GNAS: variants seen among roughly 807,000 people sequenced by gnomAD.
The protein encoded by GNAS is GNAS complex locus.
Under a neutral mutation model 54.5 loss-of-function variants are expected in GNAS, and 8 were observed. That is an observed-to-expected ratio of 0.15 (90% CI 0.09 to 0.26). GNAS has a LOEUF of 0.26. Ranked by LOEUF, GNAS falls within the 10% of genes least tolerant of loss-of-function variation. GNAS has a pLI of 1.00. For missense variants in GNAS, 170 were observed against 529.8 expected (o/e 0.32, Z 6.67); for synonymous variants, 204 against 191.4 (o/e 1.07, Z -0.54).
intron 1 of GNAS, among the ~76,000 whole-genome samples, chr20:58,844,820 AC>A (rs1179855884): frequency 6.6e-6 from 1 of 152,026 alleles, no homozygotes; most frequent in Non-Finnish European, 1.5e-5. Context: ...AAACAAAACA[AC>A]AACAACAACA....
intron 1 of GNAS, among the ~76,000 whole-genome samples, chr20:58,860,326 T>A (rs148399852): frequency 1.9e-3 from 286 of 152,152 alleles, no homozygotes; most frequent in African/African-American, 5.5e-3. Flanking sequence ...CAGGTTTTTT[T>A]AAAAGTTTTT....
chr20:58,850,604 C>G, intron 1 of GNAS: 1 of 398,990 alleles, frequency 2.5e-6, no homozygotes, highest in Non-Finnish European at 4.4e-6. Flanking sequence ...CGCAGTAAGC[C>G]CTCTCCTTGG....
chr20:58,862,117 T>G lies in GNAS; in HGVS notation c.43+21231T>G, dbSNP rs73306264. Among the ~76,000 whole-genome samples, 745 of 152,266 alleles carry G rather than the reference T, an allele frequency of 4.9e-3. 7 individuals are homozygous for G. The highest frequency in any genetic ancestry group is 0.017 in the African/African-American group (694 of 41,544). On this transcript the variant is annotated intron_variant, in intron 1 of 12. Coordinates refer to the GNAS transcript ENST00000306090. Reference sequence around the variant, plus strand: ...TGTTCAACCCAGTGCTTGGCACATATAAGTACCCCAAAACATGTTTTGGGT... The same window carrying G: ...TGTTCAACCCAGTGCTTGGCACATAGAAGTACCCCAAAACATGTTTTGGGT...
chr20:58,908,908 T>C, intron 6 of GNAS: 1 of 581,220 alleles, frequency 1.7e-6, no homozygotes. Flanking sequence ...GGCCACAGGC[T>C]AGCTGCTAGA....
chr20:58,905,580 C>A, intron 6 of GNAS, 100 bp downstream of exon 6: 1 of 775,976 alleles, frequency 1.3e-6, no homozygotes, highest in Middle Eastern at 2.2e-4. Context: ...GTTGATGATT[C>A]CTTTCTTAGA....
chr20:58,891,866 G>T lies in GNAS; in HGVS notation c.139+1G>T. 1 of 1,206,040 alleles carries T rather than the reference G, an allele frequency of 8.3e-7. No homozygotes were observed. The highest frequency in any genetic ancestry group is 1.1e-6 in the Non-Finnish European group (1 of 933,974). 74.7% of individuals were successfully genotyped at this position (1,206,040 alleles called of 1,614,324 possible). A position where few individuals can be genotyped will look rare whatever the true frequency, so the allele number is the denominator to read the frequency against. On this transcript the variant is annotated splice_donor_variant, in intron 1 of 12. Coordinates refer to ENST00000371085, the MANE Select transcript of GNAS (RefSeq NM_000516.7). LOFTEE classifies it high-confidence loss of function. ...GCCACGCACCGCCTGCTGCTGCTGG[G>T]TAAGGGCGGGCGGGGGGCGCCGGCC...
rs768525794 is a variant in GNAS at position 58,853,671 on chromosome 20, C to G, written c.43+12785C>G. On this transcript the variant is annotated intron_variant, in intron 1 of 12. Coordinates refer to the GNAS transcript ENST00000306090. The surrounding 1 kb of genome is among the most constrained non-coding windows in gnomAD (Gnocchi z 4.4). The stretch of plus-strand genomic sequence containing the variant: ...CCATGCAGGCCTTGAGGCCTTCGGC[C>G]CAGCACTCATGGAGCCCGGAGCCTT... 1 of 1,613,620 alleles carries G rather than the reference C, an allele frequency of 6.2e-7. No homozygotes were observed. Among genetic ancestry groups the G allele is most frequent in the Non-Finnish European group, 8.5e-7 (1 of 1,179,824 alleles).
intron 6 of GNAS, among the ~76,000 whole-genome samples, chr20:58,907,136 G>A (rs958975732): frequency 2.6e-5 from 4 of 152,164 alleles, no homozygotes; most frequent in African/African-American, 9.7e-5. Flanking sequence ...GGAGGAAGAG[G>A]TAATACTGTT....
At chr20:58,869,943 C>G (rs2087327286) in intron 1 of GNAS, among the ~76,000 whole-genome samples, 1 of 152,154 alleles carries the variant, frequency 6.6e-6, no homozygotes, top group Non-Finnish European at 1.5e-5. Flanking sequence ...TCCTTGGTTC[C>G]AAGAACAGGT....
intron 1 of GNAS, among the ~76,000 whole-genome samples, chr20:58,875,877 A>G (rs2087779056): frequency 6.6e-6 from 1 of 152,244 alleles, no homozygotes; most frequent in East Asian, 1.9e-4. Context: ...TAAAAAAGAA[A>G]TATAATGTGA....
intron 1 of GNAS, among the ~76,000 whole-genome samples, chr20:58,869,790 A>G (rs1231544593): frequency 6.6e-6 from 1 of 152,084 alleles, no homozygotes; most frequent in Non-Finnish European, 1.5e-5. Flanking sequence ...GGGCATTCTC[A>G]CTAGCGAAGG....
chr20:58,896,639 AAG>A (rs761064964), intron 2 of GNAS, among the ~76,000 whole-genome samples: 3 of 151,968 alleles, frequency 2.0e-5, no homozygotes, highest in East Asian at 1.9e-4. Flanking sequence ...AAAAAAGAAA[AAG>A]AAAAAACAAA....
chr20:58,898,633 G>A (rs1198256450), intron 2 of GNAS: 5 of 512,360 alleles, frequency 9.8e-6, no homozygotes, highest in Non-Finnish European at 1.8e-5. Flanking sequence ...TCCCTAATGC[G>A]TGTACGTTTA....
intron 3 of GNAS, chr20:58,900,083 G>T: frequency 1.7e-6 from 1 of 584,254 alleles, no homozygotes; most frequent in Non-Finnish European, 3.1e-6. Context: ...GGGGGAGGGG[G>T]GATGGGGCCC....
Position 58,846,531 on chromosome 20 carries a change from C to T in GNAS, c.43+5645C>T, listed in dbSNP as rs1336130943. On this transcript the variant is annotated intron_variant, in intron 1 of 12. Coordinates refer to the GNAS transcript ENST00000306090. ...TACACTCAAAGAGAAAGATTTAACA[C>T]CTAGAAATCTAGCTGTCTAGCTCCA... 3.3e-5 allele frequency among the ~76,000 whole-genome samples: 5 copies of T among 152,196 alleles called. No homozygotes were observed. In the South Asian group the frequency reaches 1.0e-3, roughly 32 times the overall value.
intron 5 of GNAS, among the ~76,000 whole-genome samples, chr20:58,904,209 T>C (rs2090886266): frequency 6.6e-6 from 1 of 152,190 alleles, no homozygotes; most frequent in African/African-American, 2.4e-5. Context: ...AAATACTAAT[T>C]GTCCATTTAC....
chr20:58,880,696 T>C (rs1437632860), intron 1 of GNAS, among the ~76,000 whole-genome samples: 2 of 152,220 alleles, frequency 1.3e-5, no homozygotes, highest in Middle Eastern at 3.2e-3. Flanking sequence ...GTGTATTTTT[T>C]CCCTTGCATT....
upstream of GNAS, chr20:58,890,730 C>T (rs1044993635): frequency 6.6e-6 from 1 of 152,052 alleles, no homozygotes; most frequent in African/African-American, 2.4e-5. Context: ...CGAGGAGCGG[C>T]TCATCTAGTC....
chr20:58,861,241 T>G (rs1052929216), intron 1 of GNAS, among the ~76,000 whole-genome samples: 1 of 152,232 alleles, frequency 6.6e-6, no homozygotes, highest in African/African-American at 2.4e-5. Context: ...TCACGCCATT[T>G]GCCCATTTAA....
Sources: allele counts gnomAD v4.1 joint callset (sites outside exome capture counted in the v4.1 genomes callset), GRCh38; gene constraint gnomAD v4.1.1; non-coding constraint Gnocchi (gnomAD v3.1); transcripts MANE v1.5; gene names NCBI Gene and HGNC (gene_info 2026-07-23, HGNC 2026-07-21).